ZCCHC7: variants seen among roughly 807,000 people sequenced by gnomAD.
ZCCHC7 encodes zinc finger CCHC domain-containing protein 7.
In ZCCHC7, 35 loss-of-function variants were observed where a neutral mutation model predicts 52.0. The observed-to-expected ratio is 0.67, with a 90% CI of 0.51 to 0.89. The LOEUF is 0.89. Among genes scored for constraint, ZCCHC7 ranks in the 40% least tolerant of loss-of-function variants. The pLI, the probability that ZCCHC7 is intolerant of heterozygous loss-of-function variation, is 0.00. For missense variants in ZCCHC7, 574 were observed against 649.1 expected (o/e 0.88, Z 1.26); for synonymous variants, 217 against 221.5 (o/e 0.98, Z 0.18).
At chr9:37,239,417 C>T (rs529707115) in intron 2 of ZCCHC7, among the ~76,000 whole-genome samples, 2 of 152,064 alleles carry the variant, frequency 1.3e-5, no homozygotes, top group African/African-American at 2.4e-5. Context: ...TGTTCATCTA[C>T]GTTGTAGACC....
intron 6 of ZCCHC7, among the ~76,000 whole-genome samples, chr9:37,336,299 T>C (rs570269806): frequency 6.6e-6 from 1 of 152,244 alleles, no homozygotes; most frequent in African/African-American, 2.4e-5. Flanking sequence ...GTACATGCAG[T>C]TTGTATTCTT....
chr9:37,276,428 CCTACT>C, intron 2 of ZCCHC7, among the ~76,000 whole-genome samples: 1 of 152,110 alleles, frequency 6.6e-6, no homozygotes, highest in Middle Eastern at 3.2e-3. Flanking sequence ...TCATTACTTA[CCTACT>C]ATGTGACCAT....
At chr9:37,331,874 G>C (rs939154069) in intron 6 of ZCCHC7, among the ~76,000 whole-genome samples, 6 of 151,320 alleles carry the variant, frequency 4.0e-5, no homozygotes, top group African/African-American at 1.5e-4. Flanking sequence ...TGTGCGCTTT[G>C]GTGTGTTTAA....
chr9:37,126,731 C>G lies in ZCCHC7; in HGVS notation c.399C>G (p.Cys133Trp), dbSNP rs1564128936. 9 of 1,614,070 alleles carry G rather than the reference C, an allele frequency of 5.6e-6. No homozygotes were observed. The Admixed American group carries it at 1.2e-4, about 21-fold the overall frequency. The change falls in exon 2 of 9, where the codon TGC (cysteine) becomes TGG (tryptophan). Residue 133 changes from cysteine to tryptophan, a missense_variant. Cys to Trp is a radical substitution (Grantham distance 215, BLOSUM62 -2). Transcript: ENST00000336755. ...CTAATGAGCTGGTTGATAAGAAATG[C>G]AAGAGTGATATTGAGAAGCCTAAAT... ...LQSNELVDKK[C>W]KSDIEKPKSE...
chr9:37,325,206 C>T (rs968040075), intron 5 of ZCCHC7, among the ~76,000 whole-genome samples: 1 of 152,188 alleles, frequency 6.6e-6, no homozygotes, highest in African/African-American at 2.4e-5. Flanking sequence ...CAATGTAGCA[C>T]ATTGCTAAAA....
intron 2 of ZCCHC7, among the ~76,000 whole-genome samples, chr9:37,219,557 C>T (rs1824703169): frequency 6.6e-6 from 1 of 152,100 alleles, no homozygotes; most frequent in Non-Finnish European, 1.5e-5. Context: ...ACCATTTAGC[C>T]TCTGTATTTC....
At position 37,306,764 on chromosome 9, in the gene ZCCHC7, T is replaced by G. The variant is rs1273866373; in HGVS notation, c.951+1050T>G. Among the ~76,000 whole-genome samples the G allele has an allele frequency of 5.5e-4, 6 of 10,968 alleles. No homozygotes were observed. In the South Asian group the frequency reaches 9.6e-3, roughly 18 times the overall value. The allele number at this position is 10,968 out of a possible 152,430, so 7.2% of individuals were successfully genotyped here. On this transcript the variant is annotated intron_variant, in intron 5 of 8. Coordinates refer to ENST00000336755, the MANE Select transcript of ZCCHC7 (RefSeq NM_032226.3). The stretch of plus-strand genomic sequence containing the variant: ...AGGCATGAGCCACTGTACCCGACCT[T>G]TTTTTTTTTTTTTTTTTTTTTTTTT...
chr9:37,319,513 C>T (rs570682031), intron 5 of ZCCHC7, among the ~76,000 whole-genome samples: 5 of 152,216 alleles, frequency 3.3e-5, no homozygotes, highest in African/African-American at 1.2e-4. Context: ...CTGCAACCTC[C>T]ACCTCCCAGG....
chr9:37,200,292 A>G (rs1823567004), intron 2 of ZCCHC7, among the ~76,000 whole-genome samples: 1 of 152,136 alleles, frequency 6.6e-6, no homozygotes, highest in Non-Finnish European at 1.5e-5. Flanking sequence ...AACAAACCCG[A>G]AAACAAAACA....
chr9:37,317,862 G>C (rs951442767), intron 5 of ZCCHC7, among the ~76,000 whole-genome samples: 8 of 127,326 alleles, frequency 6.3e-5, no homozygotes, highest in Non-Finnish European at 1.1e-4. Context: ...AAAAAAGCCT[G>C]TTTATCCAAA....
intron 6 of ZCCHC7, among the ~76,000 whole-genome samples, chr9:37,346,339 A>G (rs978562040): frequency 6.6e-6 from 1 of 152,082 alleles, no homozygotes; most frequent in Non-Finnish European, 1.5e-5. Flanking sequence ...TTATTTTCCT[A>G]TATCAAGGAA....
intron 2 of ZCCHC7, among the ~76,000 whole-genome samples, chr9:37,193,831 TC>T (rs1162345417): frequency 4.6e-5 from 7 of 152,176 alleles, no homozygotes; most frequent in Non-Finnish European, 7.3e-5. Flanking sequence ...GGAATTTCTT[TC>T]TCCCTCTTTC....
intron 2 of ZCCHC7, among the ~76,000 whole-genome samples, chr9:37,199,724 C>G (rs566490599): frequency 6.7e-6 from 1 of 149,716 alleles, no homozygotes; most frequent in Non-Finnish European, 1.5e-5. Context: ...TTCTTTCTTT[C>G]TTTCTCCTTT....
chr9:37,126,703 A>C lies in ZCCHC7; in HGVS notation c.371A>C (p.Gln124Pro). 4 of 1,614,152 alleles carry C rather than the reference A, an allele frequency of 2.5e-6. No homozygotes were observed. The highest frequency in any genetic ancestry group is 3.4e-6 in the Non-Finnish European group (4 of 1,180,014). ...GCCCATGGTCTTTCTTCTTCTCTTCAATCTAATGAGCTGGTTGATAAGAAA... is the reference window on the plus strand; with the variant it reads ...GCCCATGGTCTTTCTTCTTCTCTTCCATCTAATGAGCTGGTTGATAAGAAA... ...ENAHGLSSSLQSNELVDKKCK... is the reference protein window; with the variant it reads ...ENAHGLSSSLPSNELVDKKCK... The change falls in exon 2 of 9, where the codon CAA (glutamine) becomes CCA (proline). Residue 124 changes from glutamine to proline, a missense_variant. Gln to Pro is a moderately conservative substitution (Grantham distance 76, BLOSUM62 -1). This residue lies in a region of ZCCHC7 where 403 missense variants were observed against 461.2 expected (regional missense o/e 0.87). Transcript: ENST00000336755.
At chr9:37,238,727 C>T (rs1825758392) in intron 2 of ZCCHC7, among the ~76,000 whole-genome samples, 1 of 152,000 alleles carries the variant, frequency 6.6e-6, no homozygotes, top group South Asian at 2.1e-4. Context: ...TTCTGTGCTT[C>T]AAATCATGAG....
At chr9:37,264,112 C>T (rs2133459239) in intron 2 of ZCCHC7, among the ~76,000 whole-genome samples, 1 of 152,222 alleles carries the variant, frequency 6.6e-6, no homozygotes, top group East Asian at 1.9e-4. Context: ...CCTTTCAAGA[C>T]CTGATTTTGA....
At position 37,357,381 on chromosome 9, in the gene ZCCHC7, G is replaced by GT. The variant is rs947773566; in HGVS notation, c.*120dup. The GT allele has an allele frequency of 6.4e-6, 7 of 1,086,192 alleles. No homozygotes were observed. Among genetic ancestry groups the GT allele is most frequent in the Non-Finnish European group, 8.8e-6 (7 of 793,436 alleles). 67.3% of individuals were successfully genotyped at this position (1,086,192 alleles called of 1,614,324 possible). A position where few individuals can be genotyped will look rare whatever the true frequency, so the allele number is the denominator to read the frequency against. On this transcript the variant is annotated 3_prime_UTR_variant, in exon 9 of 9. Transcript: ENST00000336755. ...TTAAATAAAGTGAGTTTTTGGTTTT[G>GT]TTTTTTTAATTTCAGCCATTCCTAG...
chr9:37,149,871 T>A (rs1395890584), intron 2 of ZCCHC7, among the ~76,000 whole-genome samples: 1 of 152,208 alleles, frequency 6.6e-6, no homozygotes, highest in Non-Finnish European at 1.5e-5. Flanking sequence ...TCTCATTTCC[T>A]GTGCACAGAA....
intron 2 of ZCCHC7, among the ~76,000 whole-genome samples, chr9:37,161,492 A>G (rs563655485): frequency 9.7e-4 from 147 of 152,084 alleles, no homozygotes; most frequent in African/African-American, 3.4e-3. Flanking sequence ...GGAGAAGGGC[A>G]TGAACCTGGC....
Sources: allele counts gnomAD v4.1 joint callset (sites outside exome capture counted in the v4.1 genomes callset), GRCh38; gene constraint gnomAD v4.1.1; regional missense constraint gnomAD v4.1.1; transcripts MANE v1.5; gene names NCBI Gene and HGNC (gene_info 2026-07-23, HGNC 2026-07-21).